PCDH9: variants seen among roughly 807,000 people sequenced by gnomAD.
PCDH9 encodes the protein protocadherin 9, also known as protocadherin-9.
A neutral mutation model predicts 70.6 loss-of-function variants in PCDH9; 24 were observed. The observed-to-expected ratio is 0.34, with a 90% CI of 0.25 to 0.48. The LOEUF (loss-of-function observed/expected upper bound fraction) is 0.48, where lower values mean the gene tolerates loss of function less well. Among genes scored for constraint, PCDH9 ranks in the 20% least tolerant of loss-of-function variants. The pLI is 0.99. For synonymous variants in PCDH9, 562 were observed against 558.5 expected (o/e 1.01, Z -0.09); for missense variants, 1,281 against 1,503.6 (o/e 0.85, Z 2.45).
chr13:66,884,513 G>T lies in PCDH9; in HGVS notation c.3138+18991C>A, dbSNP rs567271954. ...AGACGTATGTTGAGAGACTGAGTTG[G>T]TGGTGGTGATGTTCATTTTGAAGGA... On this transcript the variant is annotated intron_variant, in intron 3 of 4. Coordinates refer to ENST00000377865, the MANE Select transcript of PCDH9 (RefSeq NM_203487.3). 3.9e-5 allele frequency among the ~76,000 whole-genome samples: 6 copies of T among 152,266 alleles called. 1 individual carries two copies. The South Asian group carries it at 1.2e-3, about 32-fold the overall frequency.
intron 2 of PCDH9, among the ~76,000 whole-genome samples, chr13:67,053,471 T>C (rs1400280902): frequency 6.6e-6 from 1 of 152,198 alleles, no homozygotes; most frequent in African/African-American, 2.4e-5. Flanking sequence ...CAAAGGATAC[T>C]GGTAGGGGAG....
chr13:66,871,630 C>T (rs558172504), intron 3 of PCDH9, among the ~76,000 whole-genome samples: 5 of 152,124 alleles, frequency 3.3e-5, no homozygotes, highest in African/African-American at 1.2e-4. Flanking sequence ...ATAAGATTAA[C>T]ATGTATTAAT....
At chr13:66,964,001 T>C (rs886373137) in intron 2 of PCDH9, among the ~76,000 whole-genome samples, 1 of 152,064 alleles carries the variant, frequency 6.6e-6, no homozygotes, top group African/African-American at 2.4e-5. Flanking sequence ...ATACTATGAG[T>C]AGTTTACAGA....
chr13:67,150,205 T>C (rs2087623997), intron 2 of PCDH9, among the ~76,000 whole-genome samples: 1 of 152,122 alleles, frequency 6.6e-6, no homozygotes, highest in Admixed American at 6.5e-5. Context: ...AGCTAATTTT[T>C]AAAATATTTT....
In PCDH9 at chr13:66,325,459, AG is replaced by A. The variant is rs1350126820; in HGVS notation, c.3341-20432del. Among the ~76,000 whole-genome samples the A allele has an allele frequency of 3.9e-5, 6 of 152,062 alleles. 1 individual carries two copies. The highest frequency in any genetic ancestry group is 5.9e-5 in the Non-Finnish European group (4 of 68,026). On this transcript the variant is annotated intron_variant, in intron 4 of 4. Coordinates refer to ENST00000377865, the MANE Select transcript of PCDH9 (RefSeq NM_203487.3). ...GTTTCTAGAAGCCAAAATAATTTTA[AG>A]GGCAGAGATAACATTTGTGTAGAGT...
intron 4 of PCDH9, among the ~76,000 whole-genome samples, chr13:66,451,448 G>T (rs563076606): frequency 1.3e-5 from 2 of 151,976 alleles, no homozygotes; most frequent in African/African-American, 2.4e-5. Context: ...CTAAACATAA[G>T]AACAATTTTG....
chr13:66,508,070 C>T (rs1959271249), intron 4 of PCDH9, among the ~76,000 whole-genome samples: 1 of 152,076 alleles, frequency 6.6e-6, no homozygotes, highest in Non-Finnish European at 1.5e-5. Context: ...GACCTCTCTG[C>T]CTCAGTTTGT....
At chr13:66,347,508 C>A (rs552361944) in intron 4 of PCDH9, among the ~76,000 whole-genome samples, 2 of 151,980 alleles carry the variant, frequency 1.3e-5, no homozygotes, top group Non-Finnish European at 2.9e-5. Context: ...TTTTTTTGCA[C>A]CACTTCCCAA....
chr13:67,169,626 C>T (rs1305893935), intron 2 of PCDH9, among the ~76,000 whole-genome samples: 5 of 152,030 alleles, frequency 3.3e-5, no homozygotes, highest in African/African-American at 9.7e-5. Context: ...CTGTAGCTAT[C>T]GAAACTGCTG....
At chr13:66,561,132 G>A (rs546778119) in intron 4 of PCDH9, among the ~76,000 whole-genome samples, 5 of 152,338 alleles carry the variant, frequency 3.3e-5, no homozygotes, top group African/African-American at 9.6e-5. Flanking sequence ...CCGGGTGGCC[G>A]TGTGCTGGGC....
intron 3 of PCDH9, among the ~76,000 whole-genome samples, chr13:66,903,088 A>G (rs2082303804): frequency 6.6e-6 from 1 of 151,900 alleles, no homozygotes; most frequent in African/African-American, 2.4e-5. Context: ...TTAAGCAGCA[A>G]TGTCTTTCTC....
At chr13:66,713,588 T>C (rs2078823507) in intron 3 of PCDH9, among the ~76,000 whole-genome samples, 1 of 132,722 alleles carries the variant, frequency 7.5e-6, no homozygotes, top group South Asian at 2.5e-4. Context: ...TATATATAAA[T>C]TGTGTTTGTG....
rs948690373 is a variant in PCDH9 at position 66,304,517 on chromosome 13, T to C, written c.*138A>G. Reference sequence around the variant, plus strand: ...CATATGTTGCAAAAACATTGTATTCTCCATGGTGCTAACACAAAGTTATAG... The same window carrying C: ...CATATGTTGCAAAAACATTGTATTCCCCATGGTGCTAACACAAAGTTATAG... On this transcript the variant is annotated 3_prime_UTR_variant, in exon 5 of 5. Transcript: ENST00000377865. 5 of 681,372 alleles carry C rather than the reference T, an allele frequency of 7.3e-6. No homozygotes were observed. Among genetic ancestry groups the C allele is most frequent in the African/African-American group, 1.8e-5 (1 of 55,840 alleles). 42.2% of individuals were successfully genotyped at this position (681,372 alleles called of 1,614,324 possible). A position where few individuals can be genotyped will look rare whatever the true frequency, so the allele number is the denominator to read the frequency against.
intron 4 of PCDH9, among the ~76,000 whole-genome samples, chr13:66,446,923 A>G (rs1268612985): frequency 6.6e-6 from 1 of 152,082 alleles, no homozygotes; most frequent in Admixed American, 6.6e-5. Context: ...GAGCAATAAC[A>G]GAGATTTTCT....
chr13:66,780,863 T>A lies in PCDH9; in HGVS notation c.3138+122641A>T, dbSNP rs868341693. 2.6e-5 allele frequency among the ~76,000 whole-genome samples: 4 copies of A among 152,302 alleles called. No individual in the cohort carries two copies. The South Asian group carries it at 8.3e-4, about 32-fold the overall frequency. ...AGGTATTCAATAAATATTTTTTGAC[T>A]GAGCGAATTTTTAAAATTGTGTTTT... is the stretch of plus-strand genomic sequence containing the variant. On this transcript the variant is annotated intron_variant, in intron 3 of 4. Coordinates refer to ENST00000377865, the MANE Select transcript of PCDH9 (RefSeq NM_203487.3).
chr13:67,141,607 A>AT (rs1383545769), intron 2 of PCDH9, among the ~76,000 whole-genome samples: 3 of 151,616 alleles, frequency 2.0e-5, no homozygotes, highest in Non-Finnish European at 4.4e-5. Flanking sequence ...CGCCCAGCTA[A>AT]TTTTTGTATT....
chr13:67,190,410 C>A (rs536109347), intron 2 of PCDH9, among the ~76,000 whole-genome samples: 6 of 151,878 alleles, frequency 4.0e-5, no homozygotes, highest in Non-Finnish European at 8.8e-5. Context: ...TGCTAGACTT[C>A]TTTATGGTAA....
At chr13:67,004,839 C>A (rs1014214818) in intron 2 of PCDH9, among the ~76,000 whole-genome samples, 1 of 151,948 alleles carries the variant, frequency 6.6e-6, no homozygotes, top group African/African-American at 2.4e-5. Flanking sequence ...TTTATTTAAG[C>A]CTCTTGTTAC....
intron 2 of PCDH9, among the ~76,000 whole-genome samples, chr13:66,977,876 T>C (rs571621641): frequency 2.0e-5 from 3 of 152,246 alleles, no homozygotes; most frequent in South Asian, 2.1e-4. Context: ...AGAAAATAGC[T>C]ACAAGGCAAT....
Sources: gnomAD v4.1 joint callset for allele counts (sites outside exome capture counted in the v4.1 genomes callset) on GRCh38, gnomAD v4.1.1 for gene constraint, MANE v1.5 for transcripts, NCBI Gene and HGNC (gene_info 2026-07-23, HGNC 2026-07-21) for gene names.